The following FAM53B variants were observed in gnomAD, a reference collection of about 807,000 sequenced individuals.
FAM53B encodes the protein protein FAM53B.
A neutral mutation model predicts 32.7 loss-of-function variants in FAM53B; 12 were observed. That is an observed-to-expected ratio of 0.37 (90% confidence interval 0.24 to 0.59). The LOEUF is 0.59. FAM53B is among the 20% of genes least tolerant of loss of function. FAM53B has a pLI of 0.72. For synonymous variants in FAM53B, 234 were observed against 228.7 expected (o/e 1.02, Z -0.21); for missense variants, 477 against 577.7 (o/e 0.83, Z 1.79).
intron 4 of FAM53B, among the ~76,000 whole-genome samples, chr10:124,636,784 G>C (rs934436942): frequency 2.0e-5 from 3 of 151,948 alleles, no homozygotes; most frequent in African/African-American, 7.3e-5. Flanking sequence ...GGTGGCCGCA[G>C]GACACACAGA....
chr10:124,658,136 C>G (rs1400901199), intron 4 of FAM53B, among the ~76,000 whole-genome samples: 1 of 152,206 alleles, frequency 6.6e-6, no homozygotes, highest in Non-Finnish European at 1.5e-5. Context: ...AGCAGACAGT[C>G]TGGGGCAGAG....
intron 1 of FAM53B, among the ~76,000 whole-genome samples, chr10:124,711,369 T>A (rs1939940039): frequency 6.6e-6 from 1 of 152,014 alleles, no homozygotes. Context: ...GCGGGAGGGA[T>A]CCTTGGAGAC....
At chr10:124,624,579 TGTGTGCTCCCAGGCACCAA>T (rs1316974328) in intron 4 of FAM53B, among the ~76,000 whole-genome samples, 1 of 152,144 alleles carries the variant, frequency 6.6e-6, no homozygotes, top group Non-Finnish European at 1.5e-5. Flanking sequence ...GTGCTCCCTC[TGTGTGCTCCCAGGCACCAA>T]GTGTGCTCCC....
At chr10:124,736,461 A>C (rs1300494870) in intron 1 of FAM53B, among the ~76,000 whole-genome samples, 1 of 152,264 alleles carries the variant, frequency 6.6e-6, no homozygotes, top group Non-Finnish European at 1.5e-5. Context: ...CACCCAGATC[A>C]TGGAGACACC....
intron 1 of FAM53B, among the ~76,000 whole-genome samples, chr10:124,730,740 A>C (rs1467379688): frequency 1.3e-5 from 2 of 152,212 alleles, no homozygotes; most frequent in Non-Finnish European, 2.9e-5. Flanking sequence ...AAAGAACTGA[A>C]GTCTTCGTTT....
At chr10:124,731,794 CA>C (rs980686961) in intron 1 of FAM53B, among the ~76,000 whole-genome samples, 8 of 152,236 alleles carry the variant, frequency 5.3e-5, no homozygotes, top group Admixed American at 3.9e-4. Flanking sequence ...GCATCACCTC[CA>C]AAACTGTAAA....
At chr10:124,736,079 C>T (rs1160460358) in intron 1 of FAM53B, among the ~76,000 whole-genome samples, 2 of 152,254 alleles carry the variant, frequency 1.3e-5, no homozygotes. Context: ...CCCTGCCTGC[C>T]CAGTCACACT....
chr10:124,631,522 G>A (rs924104614), intron 4 of FAM53B, among the ~76,000 whole-genome samples: 5 of 152,144 alleles, frequency 3.3e-5, no homozygotes, highest in African/African-American at 4.8e-5. Flanking sequence ...TACTCATAAC[G>A]GAGCCCTAGA....
intron 1 of FAM53B, among the ~76,000 whole-genome samples, chr10:124,738,373 T>TC (rs1950183570): frequency 6.6e-6 from 1 of 151,790 alleles, no homozygotes; most frequent in Admixed American, 6.6e-5. Context: ...TTTTTTTTTT[T>TC]CCAACCTTCC....
intron 3 of FAM53B, among the ~76,000 whole-genome samples, chr10:124,688,233 C>T (rs886949582): frequency 2.6e-5 from 4 of 152,238 alleles, no homozygotes; most frequent in Non-Finnish European, 5.9e-5. Flanking sequence ...AGAAGGGCCC[C>T]CCATCCATCT....
chr10:124,665,223 T>G (rs1320083918), intron 4 of FAM53B, among the ~76,000 whole-genome samples: 2 of 152,316 alleles, frequency 1.3e-5, no homozygotes, highest in Middle Eastern at 3.4e-3. Flanking sequence ...CATAGCCTTC[T>G]CTTACTGCCC....
chr10:124,669,338 G>C (rs1949692798), intron 4 of FAM53B, among the ~76,000 whole-genome samples: 1 of 152,160 alleles, frequency 6.6e-6, no homozygotes, highest in Non-Finnish European at 1.5e-5. Flanking sequence ...CGCAGTGCCA[G>C]GCAGAACTAA....
At chr10:124,700,616 A>T (rs941056173) in intron 2 of FAM53B, among the ~76,000 whole-genome samples, 2 of 152,166 alleles carry the variant, frequency 1.3e-5, no homozygotes, top group African/African-American at 4.8e-5. Flanking sequence ...GGAAAGGCAA[A>T]AGCTGGAAAT....
chr10:124,681,783 G>C lies in FAM53B; in HGVS notation c.730C>G (p.Pro244Ala), dbSNP rs1175587903. Residue 244 changes from proline (P) to alanine (A), a missense_variant, in exon 4 of 5, where the codon CCC (proline) becomes GCC (alanine). Around this residue, in one of 2 missense-constraint regions of FAM53B, gnomAD observed 312 missense variants for 420.2 expected, o/e 0.74. Coordinates refer to ENST00000337318, the MANE Select transcript of FAM53B (RefSeq NM_014661.4). Reference sequence around the variant, plus strand: ...GAGGCAGGTGTGCTGTTGGCTGAGGGAGGACAGTATTCCACAAAGGAAAAC... The same window carrying C: ...GAGGCAGGTGTGCTGTTGGCTGAGGCAGGACAGTATTCCACAAAGGAAAAC... ...EQFSFVEYCP[P>A]SANSTPASTP... 6.2e-7 allele frequency: 1 copy of C among 1,609,204 alleles called. No individual in the cohort carries two copies. Among genetic ancestry groups the C allele is most frequent in the Non-Finnish European group, 8.5e-7 (1 of 1,177,822 alleles).
At chr10:124,742,958 C>G (rs1200794566) in intron 1 of FAM53B, 1 of 152,246 alleles carries the variant, frequency 6.6e-6, no homozygotes. Context: ...CACCATCGTC[C>G]TAAGTACAGT....
intron 1 of FAM53B, among the ~76,000 whole-genome samples, chr10:124,741,945 A>G (rs948391172): frequency 6.6e-6 from 1 of 152,258 alleles, no homozygotes; most frequent in Non-Finnish European, 1.5e-5. Context: ...CTTCTGCAGC[A>G]GTGAGGTTGC....
intron 4 of FAM53B, among the ~76,000 whole-genome samples, chr10:124,640,109 AC>A (rs1351454168): frequency 6.6e-6 from 1 of 152,236 alleles, no homozygotes; most frequent in Non-Finnish European, 1.5e-5. Context: ...ATTCCCAACT[AC>A]AAGGCTGAAA....
At position 124,699,669 on chromosome 10, in the gene FAM53B, C is replaced by A. The variant is rs116086191; in HGVS notation, c.79-3457G>T. On this transcript the variant is annotated intron_variant, in intron 2 of 4. Transcript: ENST00000337318. Reference sequence around the variant, plus strand: ...CCCCAATTCTGAATTGGGATACCTTCATCGTCACTGGATCATGTCTTAGTG... The same window carrying A: ...CCCCAATTCTGAATTGGGATACCTTAATCGTCACTGGATCATGTCTTAGTG... Among the ~76,000 whole-genome samples the A allele has an allele frequency of 3.3e-3, 504 of 152,358 alleles. 8 individuals are homozygous for A. Among genetic ancestry groups the A allele is most frequent in the African/African-American group, 0.011 (474 of 41,590 alleles).
intron 2 of FAM53B, among the ~76,000 whole-genome samples, chr10:124,704,533 G>T (rs1949937241): frequency 6.6e-6 from 1 of 152,158 alleles, no homozygotes; most frequent in Non-Finnish European, 1.5e-5. Flanking sequence ...AAGGAGGGAG[G>T]GAGTATGTCC....
Sources: gnomAD v4.1 joint callset for allele counts (sites outside exome capture counted in the v4.1 genomes callset) on GRCh38, gnomAD v4.1.1 for gene constraint, gnomAD v4.1.1 regional missense constraint, MANE v1.5 for transcripts, NCBI Gene and HGNC (gene_info 2026-07-23, HGNC 2026-07-21) for gene names.